PITPNA: variants seen among roughly 807,000 people sequenced by gnomAD.
PITPNA encodes phosphatidylinositol transfer protein alpha isoform.
A neutral mutation model predicts 50.3 loss-of-function variants in PITPNA; 13 were observed. The ratio of observed to expected loss-of-function variants is 0.26; its 90% CI spans 0.17 to 0.41. The LOEUF is 0.41. Ranked by LOEUF, PITPNA falls within the 10% of genes least tolerant of loss-of-function variation. The pLI, the probability that PITPNA is intolerant of heterozygous loss-of-function variation, is 1.00. For synonymous variants in PITPNA, 120 were observed against 119.6 expected (o/e 1.00, Z -0.02); for missense variants, 207 against 333.4 (o/e 0.62, Z 2.95).
At chr17:1,538,674 T>C (rs1352585548) in intron 7 of PITPNA, 195 bp downstream of exon 7, 1 of 516,778 alleles carries the variant, frequency 1.9e-6, no homozygotes, top group Non-Finnish European at 3.4e-6. Context: ...GCACACAAAT[T>C]TGGGCCACTA....
intron 3 of PITPNA, among the ~76,000 whole-genome samples, chr17:1,549,466 G>A (rs1249381954): frequency 1.3e-5 from 2 of 150,916 alleles, no homozygotes; most frequent in Non-Finnish European, 3.0e-5. Flanking sequence ...ACAGGTTCCC[G>A]CCACCACGCC....
intron 10 of PITPNA, among the ~76,000 whole-genome samples, chr17:1,533,535 G>C (rs1164179354): frequency 6.6e-6 from 1 of 152,162 alleles, no homozygotes; most frequent in Admixed American, 6.5e-5. Flanking sequence ...GGAAGCATCA[G>C]CATCTCCAAA....
chr17:1,530,593 C>A (rs1004114360), intron 10 of PITPNA, among the ~76,000 whole-genome samples: 9 of 152,196 alleles, frequency 5.9e-5, no homozygotes, highest in African/African-American at 1.7e-4. Flanking sequence ...TATGTACTGG[C>A]TTAGAGACTA....
intron 1 of PITPNA, chr17:1,559,544 C>G (rs753018432): frequency 6.5e-6 from 1 of 152,964 alleles, no homozygotes; most frequent in East Asian, 1.9e-4. Context: ...CTTAGACGTT[C>G]GGTCCCCAGA....
At chr17:1,524,611 T>C (rs1010548568) in intron 10 of PITPNA, among the ~76,000 whole-genome samples, 4 of 152,060 alleles carry the variant, frequency 2.6e-5, no homozygotes, top group African/African-American at 9.6e-5. Flanking sequence ...CATAGGATTG[T>C]GATGAAGATT....
intron 3 of PITPNA, among the ~76,000 whole-genome samples, chr17:1,548,796 T>A (rs138920806): frequency 1.1e-3 from 165 of 152,344 alleles, no homozygotes; most frequent in Non-Finnish European, 1.9e-3. Context: ...TAACTTGGGT[T>A]TGGGATCCAG....
chr17:1,532,350 G>A (rs2075588724), intron 10 of PITPNA, among the ~76,000 whole-genome samples: 1 of 152,128 alleles, frequency 6.6e-6, no homozygotes, highest in African/African-American at 2.4e-5. Flanking sequence ...GCCTCCCAAA[G>A]TGCTGGGATT....
rs2075497631 is a variant in PITPNA, at chr17:1,519,750, G to A, written c.*811C>T. The A allele has an allele frequency of 6.6e-6, 1 of 152,530 alleles. No individual in the cohort carries two copies. Among genetic ancestry groups the A allele is most frequent in the East Asian group, 1.9e-4 (1 of 5,176 alleles). The allele number at this position is 152,530 out of a possible 1,614,324, so 9.4% of individuals were successfully genotyped here. A position where few individuals can be genotyped will look rare whatever the true frequency, so the allele number is the denominator to read the frequency against. Reference sequence around the variant, plus strand: ...GGGGTCAGACAGTTGGTATCTAGGGGGTGACTCAATTCTAGGGGCCACACT... The same window carrying A: ...GGGGTCAGACAGTTGGTATCTAGGGAGTGACTCAATTCTAGGGGCCACACT... On this transcript the variant is annotated 3_prime_UTR_variant, in exon 12 of 12. Coordinates refer to ENST00000313486, the MANE Select transcript of PITPNA (RefSeq NM_006224.4).
chr17:1,540,553 AT>A (rs769941814), intron 6 of PITPNA, among the ~76,000 whole-genome samples: 1 of 151,508 alleles, frequency 6.6e-6, no homozygotes, highest in Non-Finnish European at 1.5e-5. Flanking sequence ...CTGAACCACA[AT>A]GCATTTAACG....
In PITPNA at chr17:1,522,087, C is replaced by T. The variant is rs138946214; in HGVS notation, c.769-442G>A. ...ATGAAACATCTTTTTTTTTTTGAGA[C>T]GGAGTCTCGCTCTGCCGCCCAGGCC... On this transcript the variant is annotated intron_variant, in intron 10 of 11. Coordinates refer to ENST00000313486, the MANE Select transcript of PITPNA (RefSeq NM_006224.4). 9.2e-3 allele frequency among the ~76,000 whole-genome samples: 1,047 copies of T among 114,394 alleles called. 15 individuals are homozygous for T. The highest frequency in any genetic ancestry group is 0.012 in the Non-Finnish European group (642 of 53,344). The allele number at this position is 114,394 out of a possible 152,430, so 75.0% of individuals were successfully genotyped here.
intron 10 of PITPNA, among the ~76,000 whole-genome samples, chr17:1,530,572 C>T (rs563490698): frequency 7.9e-5 from 12 of 152,334 alleles, no homozygotes; most frequent in Admixed American, 7.8e-4. Flanking sequence ...AATCTGCCTG[C>T]ACTAGACGAC....
rs555937715 is a variant in PITPNA, at chr17:1,518,203, C to G, written c.*2358G>C. 6.6e-6 allele frequency: 1 copy of G among 152,494 alleles called. No individual in the cohort carries two copies. Among genetic ancestry groups the G allele is most frequent in the South Asian group, 2.1e-4 (1 of 4,830 alleles). The allele number at this position is 152,494 out of a possible 1,614,324, so 9.4% of individuals were successfully genotyped here. ...AGAACTTGGGAAGCTATACACATGCCCACGATACTGACCCTGTCCCGGACC... is the reference window on the plus strand; with the variant it reads ...AGAACTTGGGAAGCTATACACATGCGCACGATACTGACCCTGTCCCGGACC... On this transcript the variant is annotated 3_prime_UTR_variant, in exon 12 of 12. Transcript: ENST00000313486.
chr17:1,544,807 G>T (rs981824043), intron 4 of PITPNA, among the ~76,000 whole-genome samples: 4 of 152,112 alleles, frequency 2.6e-5, no homozygotes, highest in African/African-American at 4.8e-5. Flanking sequence ...GTGTGGTGGC[G>T]CATGCCTGTA....
chr17:1,532,303 G>T (rs2075588272), intron 10 of PITPNA, among the ~76,000 whole-genome samples: 1 of 152,060 alleles, frequency 6.6e-6, no homozygotes, highest in Admixed American at 6.6e-5. Flanking sequence ...TGGCCAAGTT[G>T]GTCTCAGACT....
At chr17:1,542,154 T>G (rs1361353193) in intron 5 of PITPNA, among the ~76,000 whole-genome samples, 2 of 151,154 alleles carry the variant, frequency 1.3e-5, no homozygotes, top group Non-Finnish European at 2.9e-5. Context: ...GAGCCGAGAT[T>G]GCACCACTGC....
intron 7 of PITPNA, chr17:1,538,599 C>T (rs1443446738): frequency 3.4e-6 from 1 of 293,044 alleles, no homozygotes; most frequent in Non-Finnish European, 6.3e-6. Context: ...ATCATTTTAG[C>T]AGGGCAAAAT....
At chr17:1,541,477 C>G in intron 6 of PITPNA, 89 bp downstream of exon 6, 1 of 929,786 alleles carries the variant, frequency 1.1e-6, no homozygotes, top group Non-Finnish European at 1.8e-6. Context: ...AAAAGAGGAC[C>G]ACAGAGAGGA....
chr17:1,547,507 G>A (rs563834331), intron 4 of PITPNA, among the ~76,000 whole-genome samples: 6 of 150,176 alleles, frequency 4.0e-5, no homozygotes, highest in African/African-American at 9.8e-5. Flanking sequence ...AAAATTAGCC[G>A]GGCATGGTGG....
chr17:1,523,040 G>A (rs917599113), intron 10 of PITPNA, among the ~76,000 whole-genome samples: 4 of 152,162 alleles, frequency 2.6e-5, no homozygotes, highest in African/African-American at 9.7e-5. Flanking sequence ...GGATGCAGAG[G>A]TGGAAAGTGC....
Sources: allele counts gnomAD v4.1 joint callset (sites outside exome capture counted in the v4.1 genomes callset), GRCh38; gene constraint gnomAD v4.1.1; transcripts MANE v1.5; gene names NCBI Gene and HGNC (gene_info 2026-07-23, HGNC 2026-07-21).